Variants in SAMM50 observed in about 807,000 individuals in gnomAD.
The protein encoded by SAMM50 is sorting and assembly machinery component 50 homolog.
A neutral mutation model predicts 66.9 loss-of-function variants in SAMM50; 47 were observed. The observed-to-expected ratio is 0.70, with a 90% CI of 0.56 to 0.90. SAMM50 has a LOEUF of 0.90. Among genes scored for constraint, SAMM50 ranks in the 40% least tolerant of loss-of-function variants. SAMM50 has a pLI of 0.00. For synonymous variants in SAMM50, 191 were observed against 214.1 expected, an observed-to-expected ratio of 0.89 and a Z score of 0.94; for missense variants, 535 against 595.3, an observed-to-expected ratio of 0.90 and a Z score of 1.05.
intron 8 of SAMM50, 105 bp downstream of exon 8, chr22:43,976,288 C>A (rs1569030316): frequency 7.3e-7 from 1 of 1,368,770 alleles, no homozygotes; most frequent in Non-Finnish European, 1.0e-6. Flanking sequence ...GAAGCGTCAC[C>A]CAGATGGGGT....
At position 43,983,849 on chromosome 22, in the gene SAMM50, G is replaced by C; in HGVS notation, c.1008-84G>C. On this transcript the variant is annotated intron_variant, in intron 11 of 14. Transcript: ENST00000350028. The surrounding 1 kb of genome is among the most constrained non-coding windows in gnomAD (Gnocchi z 4.2). ...ATAATCTAGTATCGAATGTGAGTCT[G>C]ACATGTGTTTCCTACGCGTTCCGTG... 1.1e-6 allele frequency: 1 copy of C among 929,478 alleles called. No individual in the cohort carries two copies. 57.6% of individuals were successfully genotyped at this position (929,478 alleles called of 1,614,324 possible).
At chr22:43,980,762 G>A (rs557157139) in intron 10 of SAMM50, among the ~76,000 whole-genome samples, 5 of 152,298 alleles carry the variant, frequency 3.3e-5, no homozygotes, top group South Asian at 2.1e-4. Flanking sequence ...TGTGAGGCTC[G>A]GCCAGCCGCC....
intron 13 of SAMM50, among the ~76,000 whole-genome samples, 192 bp downstream of exon 13, chr22:43,989,449 G>C (rs1238814328): frequency 6.0e-5 from 9 of 149,424 alleles, no homozygotes; most frequent in Non-Finnish European, 1.3e-4. Context: ...TGACTCTCTT[G>C]CCTCAGCCTC....
At chr22:43,981,483 G>C (rs1222517083) in intron 11 of SAMM50, 22 bp downstream of exon 11, 2 of 1,525,132 alleles carry the variant, frequency 1.3e-6, no homozygotes. Flanking sequence ...TCAATGAATG[G>C]ATAATTTGCA....
rs1569030592 is a variant in SAMM50 at position 43,976,825 on chromosome 22, GTGT to G, written c.849+9_849+11del. 6.2e-7 allele frequency: 1 copy of G among 1,605,232 alleles called. No homozygotes were observed. Among genetic ancestry groups the G allele is most frequent in the Non-Finnish European group, 8.5e-7 (1 of 1,174,116 alleles). Reference sequence around the variant, plus strand: ...TGCTTTGCTGAAAGTTAACCAGGTAGTGTTGTTTCACCTGTGACCCCTGCAGGG... The same window carrying G: ...TGCTTTGCTGAAAGTTAACCAGGTAGTGTTTCACCTGTGACCCCTGCAGGG... On this transcript the variant is annotated splice_donor_5th_base_variant and intron_variant, in intron 9 of 14. Coordinates refer to ENST00000350028, the MANE Select transcript of SAMM50 (RefSeq NM_015380.5).
intron 3 of SAMM50, among the ~76,000 whole-genome samples, chr22:43,967,776 C>T (rs930777921): frequency 2.0e-5 from 3 of 152,232 alleles, no homozygotes; most frequent in Non-Finnish European, 4.4e-5. Flanking sequence ...CCTTATCACA[C>T]GAGGGCCTTT....
rs1434597186 is a variant in SAMM50 at position 43,990,289 on chromosome 22, G to A, written c.1247G>A (p.Arg416His). Residue 416 changes from arginine (R) to histidine (H), a missense_variant, in exon 14 of 15, where the codon CGT becomes CAT. Physicochemically the swap from Arg to His is conservative, Grantham distance 29 (BLOSUM62 0). Coordinates refer to ENST00000350028, the MANE Select transcript of SAMM50 (RefSeq NM_015380.5). ...GGGGAGGGCCCCAAAGCTCATATTC[G>A]TAAGCTGGCTGAGTGCATCCGCTGG... is the stretch of plus-strand genomic sequence containing the variant. ...NYGEGPKAHI[R>H]KLAECIRWSY... 2 of 1,614,168 alleles carry A rather than the reference G, an allele frequency of 1.2e-6. No individual in the cohort carries two copies. Among genetic ancestry groups the A allele is most frequent in the South Asian group, 1.1e-5 (1 of 91,076 alleles).
At chr22:43,985,178 T>C (rs1420529455) in intron 12 of SAMM50, among the ~76,000 whole-genome samples, 1 of 152,002 alleles carries the variant, frequency 6.6e-6, no homozygotes, top group Non-Finnish European at 1.5e-5. Flanking sequence ...GGATGCTTCA[T>C]TGGTTAGGAT....
At chr22:43,961,733 T>G (rs1201586550) in intron 1 of SAMM50, among the ~76,000 whole-genome samples, 1 of 152,074 alleles carries the variant, frequency 6.6e-6, no homozygotes, top group East Asian at 1.9e-4. Flanking sequence ...ATTACAGGTG[T>G]GAGTCATTGT....
In SAMM50 at chr22:43,989,094, A is replaced by C; in HGVS notation, c.1076-17A>C. The C allele has an allele frequency of 6.2e-7, 1 of 1,604,870 alleles. No individual in the cohort carries two copies. Among genetic ancestry groups the C allele is most frequent in the Admixed American group, 1.7e-5 (1 of 57,662 alleles). Reference sequence around the variant, plus strand: ...TTGTCGGACCTTGTTTTTGTTCTGCACCCCTCCTTTGCTTAGGAGACTACC... The same window carrying C: ...TTGTCGGACCTTGTTTTTGTTCTGCCCCCCTCCTTTGCTTAGGAGACTACC... On this transcript the variant is annotated splice_polypyrimidine_tract_variant and intron_variant, in intron 12 of 14. Coordinates refer to ENST00000350028, the MANE Select transcript of SAMM50 (RefSeq NM_015380.5).
chr22:43,957,308 G>T lies in SAMM50; in HGVS notation c.21+1710G>T, dbSNP rs1194073354. 4 of 640,690 alleles carry T rather than the reference G, an allele frequency of 6.2e-6. No individual in the cohort carries two copies. In the East Asian group the frequency reaches 1.1e-4, roughly 17 times the overall value. 39.7% of individuals were successfully genotyped at this position (640,690 alleles called of 1,614,324 possible). On this transcript the variant is annotated intron_variant, in intron 1 of 14. Transcript: ENST00000350028. ...AGCAATCTTCCTGCTAAGGCTGTTG[G>T]ACACAGAATCCGAGTAATGCTGTAC... is the stretch of plus-strand genomic sequence containing the variant.
chr22:43,981,821 G>C (rs2050266122), intron 11 of SAMM50, among the ~76,000 whole-genome samples: 1 of 152,142 alleles, frequency 6.6e-6, no homozygotes, highest in Non-Finnish European at 1.5e-5. Flanking sequence ...AGTGGCATAT[G>C]TTTCATTATT....
In SAMM50 at chr22:43,966,094, C is replaced by A. The variant is rs549276928; in HGVS notation, c.234+1541C>A. ...GGCACAAGGGGTCCTCCCAACTTGG[C>A]CTTCCAAAGTGCTGGGATTACAGCA... is the stretch of plus-strand genomic sequence containing the variant. On this transcript the variant is annotated intron_variant, in intron 3 of 14. Transcript: ENST00000350028. Among the ~76,000 whole-genome samples the A allele has an allele frequency of 2.5e-4, 38 of 152,324 alleles. 1 individual carries two copies. In the South Asian group the frequency reaches 7.0e-3, roughly 28 times the overall value.
intron 10 of SAMM50, among the ~76,000 whole-genome samples, chr22:43,978,432 C>CAAAAAAAAA (rs71313377): frequency 4.3e-5 from 3 of 69,114 alleles, no homozygotes; most frequent in African/African-American, 1.2e-4. Context: ...GACTCCTTCT[C>CAAAAAAAAA]AAAAAAAAAA....
At chr22:43,993,983 G>C (rs568186522) in intron 14 of SAMM50, among the ~76,000 whole-genome samples, 1 of 152,186 alleles carries the variant, frequency 6.6e-6, no homozygotes, top group Non-Finnish European at 1.5e-5. Flanking sequence ...TTAGGAGTCC[G>C]GTCTCTGGAG....
rs1455523602 is a variant in SAMM50, at chr22:43,957,082, G to A, written c.21+1484G>A. 26 of 994,930 alleles carry A rather than the reference G, an allele frequency of 2.6e-5. No individual in the cohort carries two copies. The South Asian group carries it at 3.0e-4, about 11-fold the overall frequency. The allele number at this position is 994,930 out of a possible 1,614,324, so 61.6% of individuals were successfully genotyped here. ...TTTGCTGGCTATAAGTGGAGTCTCCGGAACCAAAGGGAGCACACAGCTCTT... is the reference window on the plus strand; with the variant it reads ...TTTGCTGGCTATAAGTGGAGTCTCCAGAACCAAAGGGAGCACACAGCTCTT... On this transcript the variant is annotated intron_variant, in intron 1 of 14. Coordinates refer to ENST00000350028, the MANE Select transcript of SAMM50 (RefSeq NM_015380.5).
chr22:43,993,359 C>G (rs1259185326), intron 14 of SAMM50, among the ~76,000 whole-genome samples: 2 of 152,248 alleles, frequency 1.3e-5, no homozygotes, highest in African/African-American at 4.8e-5. Flanking sequence ...TCAGTGTGCC[C>G]TGAGAAGTCA....
intron 12 of SAMM50, among the ~76,000 whole-genome samples, chr22:43,985,813 T>G (rs2050289467): frequency 6.6e-6 from 1 of 151,932 alleles, no homozygotes; most frequent in South Asian, 2.1e-4. Flanking sequence ...GGCCGCGTCC[T>G]TTTGCATTTC....
intron 14 of SAMM50, among the ~76,000 whole-genome samples, chr22:43,994,168 G>A (rs62226360): frequency 0.15 from 23,331 of 152,122 alleles, 1,920 homozygotes; most frequent in South Asian, 0.26. Flanking sequence ...CAGAAGACAC[G>A]CAGGGACAGT....
Sources: allele counts gnomAD v4.1 joint callset (sites outside exome capture counted in the v4.1 genomes callset), GRCh38; gene constraint gnomAD v4.1.1; non-coding constraint Gnocchi (gnomAD v3.1); transcripts MANE v1.5; gene names NCBI Gene and HGNC (gene_info 2026-07-23, HGNC 2026-07-21).